Variants in DERL2 observed in about 807,000 individuals in gnomAD.
DERL2 encodes derlin-2.
Under a neutral mutation model 32.0 loss-of-function variants are expected in DERL2, and 13 were observed. The ratio of observed to expected loss-of-function variants is 0.41; its 90% CI spans 0.26 to 0.65. The LOEUF is 0.65. DERL2 is among the 30% of genes least tolerant of loss of function. The pLI is 0.35. For synonymous variants in DERL2, 111 were observed against 104.7 expected (o/e 1.06, Z -0.37); for missense variants, 208 against 296.3 (o/e 0.70, Z 2.19).
In DERL2 at chr17:5,481,711, G is replaced by A. The variant is rs1905796510; in HGVS notation, c.234-322C>T. Among the ~76,000 whole-genome samples, 3 of 151,706 alleles carry A rather than the reference G, an allele frequency of 2.0e-5. No individual in the cohort carries two copies. The South Asian group carries it at 6.3e-4, about 32-fold the overall frequency. On this transcript the variant is annotated intron_variant, in intron 3 of 6. Coordinates refer to ENST00000158771, the MANE Select transcript of DERL2 (RefSeq NM_016041.5). This position sits in a 1 kb window ranked among gnomAD's most constrained non-coding sequence, Gnocchi z 4.4. Reference sequence around the variant, plus strand: ...GTCACCTAGGATGGAGTGCAATGGTGCCATATCGGCTCACTGCAAGCTCCG... The same window carrying A: ...GTCACCTAGGATGGAGTGCAATGGTACCATATCGGCTCACTGCAAGCTCCG...
At chr17:5,478,258 C>A (rs1254463530) in intron 6 of DERL2, among the ~76,000 whole-genome samples, 1 of 151,954 alleles carries the variant, frequency 6.6e-6, no homozygotes, top group African/African-American at 2.4e-5. Flanking sequence ...ACCTGTAGTC[C>A]CAGCTACTCA....
chr17:5,478,738 C>G (rs1430912155), intron 6 of DERL2, among the ~76,000 whole-genome samples: 1 of 152,212 alleles, frequency 6.6e-6, no homozygotes, highest in Non-Finnish European at 1.5e-5. Context: ...TACACCATAT[C>G]CATACCATGG....
intron 4 of DERL2, chr17:5,480,838 A>G: frequency 2.2e-6 from 1 of 455,576 alleles, no homozygotes; most frequent in Non-Finnish European, 3.8e-6. Flanking sequence ...CCTCTTTGGA[A>G]AATGTGTTAA....
intron 2 of DERL2, among the ~76,000 whole-genome samples, chr17:5,484,860 C>G (rs750626619): frequency 5.3e-5 from 8 of 152,210 alleles, no homozygotes; most frequent in Non-Finnish European, 1.0e-4. Context: ...GAACTGGACA[C>G]ATCAAAACGA....
chr17:5,479,853 A>T (rs1905653811), intron 6 of DERL2, among the ~76,000 whole-genome samples: 1 of 152,176 alleles, frequency 6.6e-6, no homozygotes, highest in Non-Finnish European at 1.5e-5. Context: ...GAGCCTGTTG[A>T]CGTTGGTCTT....
chr17:5,474,490 G>A lies in DERL2; in HGVS notation c.*194C>T. On this transcript the variant is annotated 3_prime_UTR_variant, in exon 7 of 7. Transcript: ENST00000158771. The surrounding 1 kb of genome is among the most constrained non-coding windows in gnomAD (Gnocchi z 4.3). ...CTAAGAAATTACACTTTCAGTACCAGTGTAGTGAGGAACCACTGGCAAACT... is the reference window on the plus strand; with the variant it reads ...CTAAGAAATTACACTTTCAGTACCAATGTAGTGAGGAACCACTGGCAAACT... The A allele has an allele frequency of 2.0e-6, 1 of 501,070 alleles. No homozygotes were observed. Among genetic ancestry groups the A allele is most frequent in the Non-Finnish European group, 3.5e-6 (1 of 284,504 alleles). The allele number at this position is 501,070 out of a possible 1,614,324, so 31.0% of individuals were successfully genotyped here. A position where few individuals can be genotyped will look rare whatever the true frequency, so the allele number is the denominator to read the frequency against.
At chr17:5,475,916 G>C (rs1905352785) in intron 6 of DERL2, among the ~76,000 whole-genome samples, 1 of 152,164 alleles carries the variant, frequency 6.6e-6, no homozygotes, top group African/African-American at 2.4e-5. Context: ...GTGATGGCTG[G>C]GGTGGGGAGT....
intron 6 of DERL2, among the ~76,000 whole-genome samples, chr17:5,476,474 G>C (rs1317991228): frequency 1.3e-5 from 2 of 152,142 alleles, no homozygotes; most frequent in African/African-American, 4.8e-5. Flanking sequence ...AATAATCAAA[G>C]GAAAGTATAT....
chr17:5,482,009 A>T lies in DERL2; in HGVS notation c.234-620T>A, dbSNP rs1597373965. 2.6e-5 allele frequency among the ~76,000 whole-genome samples: 4 copies of T among 152,246 alleles called. No homozygotes were observed. The South Asian group carries it at 8.3e-4, about 32-fold the overall frequency. On this transcript the variant is annotated intron_variant, in intron 3 of 6. Transcript: ENST00000158771. The stretch of plus-strand genomic sequence containing the variant: ...TCTTTCCTGTGCTCAGCCACACCTT[A>T]ATATGCACCATCTTTGCTTTCCCAC...
At chr17:5,485,794 T>G (rs1805460) in intron 1 of DERL2, 1 of 368,938 alleles carries the variant, frequency 2.7e-6, no homozygotes, top group Non-Finnish European at 4.9e-6. Context: ...CTCGGACACA[T>G]TTCTTGGGTG....
intron 6 of DERL2, among the ~76,000 whole-genome samples, chr17:5,477,115 A>C (rs530775042): frequency 9.2e-5 from 14 of 152,292 alleles, no homozygotes; most frequent in African/African-American, 3.4e-4. Flanking sequence ...GACAGATGGA[A>C]AGGGCAGATG....
intron 2 of DERL2, 115 bp downstream of exon 2, chr17:5,485,035 TA>T (rs1488483485): frequency 8.2e-6 from 5 of 610,650 alleles, no homozygotes; most frequent in Non-Finnish European, 5.4e-6. Context: ...AGGCAACTTA[TA>T]ATCAAAGGTC....
At chr17:5,483,712 A>C (rs1207211608) in intron 2 of DERL2, among the ~76,000 whole-genome samples, 2 of 152,252 alleles carry the variant, frequency 1.3e-5, no homozygotes, top group African/African-American at 4.8e-5. Context: ...GTCCTGACCA[A>C]GGACCCGCAG....
chr17:5,484,299 T>C (rs994399067), intron 2 of DERL2, among the ~76,000 whole-genome samples: 1 of 152,234 alleles, frequency 6.6e-6, no homozygotes, highest in Non-Finnish European at 1.5e-5. Flanking sequence ...CAGGCTGGAG[T>C]GCAATGGCAC....
chr17:5,480,645 G>A lies in DERL2; in HGVS notation c.328-63C>T, dbSNP rs1597373254. The A allele has an allele frequency of 6.8e-6, 9 of 1,333,042 alleles. No homozygotes were observed. The South Asian group carries it at 1.3e-4, about 20-fold the overall frequency. The allele number at this position is 1,333,042 out of a possible 1,614,324, so 82.6% of individuals were successfully genotyped here. A position where few individuals can be genotyped will look rare whatever the true frequency, so the allele number is the denominator to read the frequency against. On this transcript the variant is annotated intron_variant, in intron 4 of 6. Coordinates refer to ENST00000158771, the MANE Select transcript of DERL2 (RefSeq NM_016041.5). Reference sequence around the variant, plus strand: ...GTTTAATAGGAAAGACTGAGCAGGAGAACTAAAGATTGTGTTCTAACAGAA... The same window carrying A: ...GTTTAATAGGAAAGACTGAGCAGGAAAACTAAAGATTGTGTTCTAACAGAA...
At chr17:5,483,111 A>G (rs1447038343) in intron 2 of DERL2, among the ~76,000 whole-genome samples, 1 of 152,156 alleles carries the variant, frequency 6.6e-6, no homozygotes, top group Admixed American at 6.5e-5. Context: ...GACATTTATA[A>G]TAATAGGAAA....
intron 2 of DERL2, 93 bp from the exon 3 acceptor site, chr17:5,482,975 G>T: frequency 1.5e-6 from 1 of 679,194 alleles, no homozygotes; most frequent in Non-Finnish European, 2.5e-6. Context: ...TCCTATGACT[G>T]CGGTGGTTGA....
At chr17:5,483,566 T>C (rs1201152436) in intron 2 of DERL2, among the ~76,000 whole-genome samples, 1 of 152,044 alleles carries the variant, frequency 6.6e-6, no homozygotes, top group African/African-American at 2.4e-5. Flanking sequence ...AATTGTAGAG[T>C]GCTTAACGTT....
intron 6 of DERL2, among the ~76,000 whole-genome samples, chr17:5,479,496 T>TAAAAAAAAAAAA (rs11306765): frequency 3.7e-4 from 26 of 69,434 alleles, no homozygotes; most frequent in Non-Finnish European, 5.3e-4. Flanking sequence ...AGACTCCATG[T>TAAAAAAAAAAAA]AAAAAAAAAA....
Sources: gnomAD v4.1 joint callset for allele counts (sites outside exome capture counted in the v4.1 genomes callset) on GRCh38, gnomAD v4.1.1 for gene constraint, Gnocchi (gnomAD v3.1) non-coding constraint, MANE v1.5 for transcripts, NCBI Gene and HGNC (gene_info 2026-07-23, HGNC 2026-07-21) for gene names.